The following KCNT2 variants were observed in gnomAD, a reference collection of about 807,000 sequenced individuals.
The protein encoded by KCNT2 is potassium channel subfamily T member 2.
KCNT2 carries 67 observed loss-of-function variants against 153.8 expected under a neutral mutation model. The ratio of observed to expected loss-of-function variants is 0.44; its 90% CI spans 0.36 to 0.53. KCNT2 has a LOEUF of 0.53. Among genes scored for constraint, KCNT2 ranks in the 20% least tolerant of loss-of-function variants. KCNT2 has a pLI of 0.00. For synonymous variants in KCNT2, 500 were observed against 458.8 expected, an observed-to-expected ratio of 1.09 and a Z score of -1.15; for missense variants, 975 against 1,354.8, an observed-to-expected ratio of 0.72 and a Z score of 4.40.
chr1:196,604,876 A>ATGTT (rs1334218928), intron 1 of KCNT2, among the ~76,000 whole-genome samples: 1 of 152,006 alleles, frequency 6.6e-6, no homozygotes, highest in Non-Finnish European at 1.5e-5. Context: ...ATGCCAGTGT[A>ATGTT]TGTGTATGTG....
intron 1 of KCNT2, among the ~76,000 whole-genome samples, chr1:196,517,194 G>A (rs1397432408): frequency 6.6e-6 from 1 of 152,158 alleles, no homozygotes; most frequent in Non-Finnish European, 1.5e-5. Context: ...GCAGGTCCCA[G>A]TACTCTCTTC....
chr1:196,473,983 T>C (rs1463738619), intron 5 of KCNT2, among the ~76,000 whole-genome samples: 1 of 152,134 alleles, frequency 6.6e-6, no homozygotes, highest in Non-Finnish European at 1.5e-5. Context: ...AAAAAGTAAC[T>C]TCTTTAGTTT....
intron 26 of KCNT2, among the ~76,000 whole-genome samples, chr1:196,242,427 A>C (rs1655042112): frequency 6.6e-6 from 1 of 152,068 alleles, no homozygotes; most frequent in Non-Finnish European, 1.5e-5. Flanking sequence ...CATTGATTTA[A>C]ATTTAAAGTT....
chr1:196,355,237 G>C (rs1667078856), intron 14 of KCNT2, among the ~76,000 whole-genome samples: 1 of 151,478 alleles, frequency 6.6e-6, no homozygotes, highest in African/African-American at 2.4e-5. Flanking sequence ...AGACACCTTG[G>C]TCTACTAGGA....
intron 22 of KCNT2, among the ~76,000 whole-genome samples, chr1:196,300,724 C>T (rs530617641): frequency 6.6e-6 from 1 of 152,116 alleles, no homozygotes; most frequent in Non-Finnish European, 1.5e-5. Context: ...TTTCTGAAGA[C>T]ATTTGTCACA....
At chr1:196,342,304 A>G (rs1665719195) in intron 14 of KCNT2, 76 bp from the exon 15 acceptor site, 2 of 1,334,876 alleles carry the variant, frequency 1.5e-6, no homozygotes, top group South Asian at 1.4e-5. Context: ...CAGTTGTTAT[A>G]GAACTGTTTC....
chr1:196,233,876 C>A (rs973333073), intron 27 of KCNT2, among the ~76,000 whole-genome samples: 4 of 151,212 alleles, frequency 2.6e-5, no homozygotes, highest in Non-Finnish European at 4.4e-5. Flanking sequence ...AGATAGTAGG[C>A]AGAATGTTAC....
intron 13 of KCNT2, among the ~76,000 whole-genome samples, chr1:196,377,667 G>A (rs1048926117): frequency 6.6e-6 from 1 of 151,974 alleles, no homozygotes; most frequent in African/African-American, 2.4e-5. Context: ...AGAAAGAGAA[G>A]GGAATAGAAC....
At chr1:196,509,411 A>G (rs1341569189) in intron 1 of KCNT2, among the ~76,000 whole-genome samples, 3 of 152,172 alleles carry the variant, frequency 2.0e-5, no homozygotes, top group Non-Finnish European at 2.9e-5. Context: ...TTCATAATCT[A>G]TGGTTATATG....
At chr1:196,605,024 C>A (rs1390223524) in intron 1 of KCNT2, among the ~76,000 whole-genome samples, 2 of 152,150 alleles carry the variant, frequency 1.3e-5, no homozygotes, top group East Asian at 1.9e-4. Flanking sequence ...TTTAACAACA[C>A]CCATTTGAGC....
chr1:196,390,737 A>G (rs1348327768), intron 13 of KCNT2, among the ~76,000 whole-genome samples: 1 of 151,400 alleles, frequency 6.6e-6, no homozygotes, highest in Non-Finnish European at 1.5e-5. Flanking sequence ...ACATGTACAC[A>G]CATGGATGCA....
chr1:196,442,304 T>C (rs543751343), intron 8 of KCNT2, among the ~76,000 whole-genome samples: 18 of 151,840 alleles, frequency 1.2e-4, no homozygotes, highest in Non-Finnish European at 2.1e-4. Context: ...GGAAAACTTA[T>C]AGGATTTTCT....
intron 13 of KCNT2, among the ~76,000 whole-genome samples, chr1:196,394,024 A>G (rs1670709569): frequency 6.6e-6 from 1 of 151,638 alleles, no homozygotes; most frequent in East Asian, 1.9e-4. Flanking sequence ...TGGAAAAAAA[A>G]TGATTTGACA....
chr1:196,594,078 T>C lies in KCNT2; in HGVS notation c.95+14137A>G, dbSNP rs16840219. On this transcript the variant is annotated intron_variant, in intron 1 of 27. Transcript: ENST00000294725. ...CTACCTATGTGAGTATGAGATGGAG[T>C]TGATCATTTACAACACCTCCACATG... Among the ~76,000 whole-genome samples, 1,338 of 151,944 alleles carry C rather than the reference T, an allele frequency of 8.8e-3. 25 individuals carry two copies. The highest frequency in any genetic ancestry group is 0.031 in the African/African-American group (1,290 of 41,456).
At chr1:196,597,723 T>C (rs1438803347) in intron 1 of KCNT2, among the ~76,000 whole-genome samples, 1 of 152,222 alleles carries the variant, frequency 6.6e-6, no homozygotes, top group Non-Finnish European at 1.5e-5. Context: ...AGTCATACTA[T>C]GTACCTACAT....
rs947396281 is a variant in KCNT2, at chr1:196,606,115, G to T, written c.95+2100C>A. ...ACCGCACAGTTAAAAGAACTTGGGA[G>T]TACTTATTTCCAACTAAATGTTAGT... On this transcript the variant is annotated intron_variant, in intron 1 of 27. Coordinates refer to ENST00000294725, the MANE Select transcript of KCNT2 (RefSeq NM_198503.5). 2.0e-5 allele frequency among the ~76,000 whole-genome samples: 3 copies of T among 152,164 alleles called. 1 individual carries two copies. The highest frequency in any genetic ancestry group is 2.9e-5 in the Non-Finnish European group (2 of 68,030).
chr1:196,507,577 C>G (rs186121260), intron 1 of KCNT2, among the ~76,000 whole-genome samples: 61 of 152,050 alleles, frequency 4.0e-4, no homozygotes, highest in African/African-American at 1.4e-3. Flanking sequence ...TCTATCATTG[C>G]CTAGAATTAC....
intron 26 of KCNT2, among the ~76,000 whole-genome samples, chr1:196,247,507 T>C (rs1040027250): frequency 1.3e-5 from 2 of 152,144 alleles, no homozygotes; most frequent in East Asian, 1.9e-4. Flanking sequence ...GACTGGGTAA[T>C]GTATAAAGAG....
At chr1:196,228,640 A>C (rs900260675) in intron 27 of KCNT2, among the ~76,000 whole-genome samples, 6 of 152,072 alleles carry the variant, frequency 3.9e-5, no homozygotes, top group Admixed American at 6.6e-5. Flanking sequence ...TTTCAATTAT[A>C]ATCAATTTCA....
Sources: gnomAD v4.1 joint callset for allele counts (sites outside exome capture counted in the v4.1 genomes callset) on GRCh38, gnomAD v4.1.1 for gene constraint, MANE v1.5 for transcripts, NCBI Gene and HGNC (gene_info 2026-07-23, HGNC 2026-07-21) for gene names.